Variants in RFLNA observed in about 807,000 individuals in gnomAD.
RFLNA encodes refilin A.
RFLNA carries 5 observed loss-of-function variants against 7.8 expected under a neutral mutation model. That is an observed-to-expected ratio of 0.64 (90% CI 0.34 to 1.35). The LOEUF is 1.35. RFLNA is among the 40% of genes most tolerant of loss of function. RFLNA has a pLI of 0.04. For missense variants in RFLNA, 278 were observed against 305.5 expected (o/e 0.91, Z 0.67); for synonymous variants, 141 against 131.3 (o/e 1.07, Z -0.50).
intron 1 of RFLNA, among the ~76,000 whole-genome samples, chr12:124,299,358 A>C (rs183357230): frequency 5.6e-4 from 86 of 152,252 alleles, no homozygotes; most frequent in African/African-American, 1.9e-3. Flanking sequence ...TTTATTTTTT[A>C]ATGTTTTCTT....
In RFLNA at chr12:124,306,670, G is replaced by T. The variant is rs898359357; in HGVS notation, c.208-5148G>T. The stretch of plus-strand genomic sequence containing the variant: ...TCCACATGTGGAAAATGGGGGTGCT[G>T]CCAGCAGCTGCGTGCTGGGGTTTTT... On this transcript the variant is annotated intron_variant, in intron 1 of 2. Coordinates refer to ENST00000546355, the MANE Select transcript of RFLNA (RefSeq NM_001365156.1). This position sits in a 1 kb window ranked among gnomAD's most constrained non-coding sequence, Gnocchi z 5.2. Among the ~76,000 whole-genome samples, 5 of 152,208 alleles carry T rather than the reference G, an allele frequency of 3.3e-5. No individual in the cohort carries two copies. Among genetic ancestry groups the T allele is most frequent in the African/African-American group, 1.2e-4 (5 of 41,442 alleles).
At position 124,315,295 on chromosome 12, in the gene RFLNA, G is replaced by C. The variant is rs944126259; in HGVS notation, c.*770G>C. On this transcript the variant is annotated 3_prime_UTR_variant, in exon 3 of 3. Coordinates refer to ENST00000546355, the MANE Select transcript of RFLNA (RefSeq NM_001365156.1). ...CTCAGCCTCTGGAGCCTCACCTGCA[G>C]GGCGTCCCCAGCTAACACCCATCCA... 1 of 154,000 alleles carries C rather than the reference G, an allele frequency of 6.5e-6. No individual in the cohort carries two copies. The highest frequency in any genetic ancestry group is 1.4e-5 in the Non-Finnish European group (1 of 69,314). The allele number at this position is 154,000 out of a possible 1,614,324, so 9.5% of individuals were successfully genotyped here.
At position 124,315,644 on chromosome 12, in the gene RFLNA, G is replaced by C. The variant is rs1185950284; in HGVS notation, c.*1119G>C. Reference sequence around the variant, plus strand: ...TGGAACAAGCCAGGATGCACGGGGAGCTGGGGGAGCCCCCAGCCTGGGGCA... The same window carrying C: ...TGGAACAAGCCAGGATGCACGGGGACCTGGGGGAGCCCCCAGCCTGGGGCA... On this transcript the variant is annotated 3_prime_UTR_variant, in exon 3 of 3. Coordinates refer to ENST00000546355, the MANE Select transcript of RFLNA (RefSeq NM_001365156.1). 1 of 152,306 alleles carries C rather than the reference G, an allele frequency of 6.6e-6. No individual in the cohort carries two copies. Among genetic ancestry groups the C allele is most frequent in the Non-Finnish European group, 1.5e-5 (1 of 68,112 alleles). The allele number at this position is 152,306 out of a possible 1,614,324, so 9.4% of individuals were successfully genotyped here.
chr12:124,292,940 T>C (rs1175308665), upstream of RFLNA, among the ~76,000 whole-genome samples: 1 of 152,230 alleles, frequency 6.6e-6, no homozygotes, highest in Non-Finnish European at 1.5e-5. Flanking sequence ...TTATCTTATT[T>C]TGAGACAGAG....
At position 124,314,536 on chromosome 12, in the gene RFLNA, G is replaced by T; in HGVS notation, c.*11G>T. On this transcript the variant is annotated 3_prime_UTR_variant, in exon 3 of 3. Coordinates refer to ENST00000546355, the MANE Select transcript of RFLNA (RefSeq NM_001365156.1). ...CCTGCCACGCTCTGACGGGGCTGGG[G>T]CCGGCCCGGGGTGCTGGAGGAGCCG... is the stretch of plus-strand genomic sequence containing the variant. 6.4e-7 allele frequency: 1 copy of T among 1,558,986 alleles called. No individual in the cohort carries two copies. The highest frequency in any genetic ancestry group is 8.6e-7 in the Non-Finnish European group (1 of 1,158,876).
chr12:124,290,487 A>C (rs1238005518), upstream of RFLNA, among the ~76,000 whole-genome samples: 2 of 151,094 alleles, frequency 1.3e-5, no homozygotes, highest in Non-Finnish European at 3.0e-5. This position sits in a 1 kb window ranked among gnomAD's most constrained non-coding sequence, Gnocchi z 4.0. Flanking sequence ...TTGTGTGTAC[A>C]CATGTGTATT....
At position 124,306,022 on chromosome 12, in the gene RFLNA, C is replaced by G. The variant is rs571056493; in HGVS notation, c.208-5796C>G. Among the ~76,000 whole-genome samples the G allele has an allele frequency of 4.9e-4, 75 of 152,270 alleles. No individual in the cohort carries two copies. Among genetic ancestry groups the G allele is most frequent in the Non-Finnish European group, 8.5e-4 (58 of 68,024 alleles). ...CTTGTTCTGGGGTGACCGTGACTAG[C>G]AGGGATGGGGCTCCTGGTGATGTTT... On this transcript the variant is annotated intron_variant, in intron 1 of 2. Transcript: ENST00000546355. The surrounding 1 kb of genome is among the most constrained non-coding windows in gnomAD (Gnocchi z 5.2).
chr12:124,289,628 C>G lies in RFLNA; in HGVS notation c.-37+258C>G, dbSNP rs531668033. 6.7e-4 allele frequency among the ~76,000 whole-genome samples: 102 copies of G among 152,302 alleles called. 1 individual carries two copies. Among genetic ancestry groups the G allele is most frequent in the South Asian group, 1.9e-3 (9 of 4,828 alleles). ...AAGAGCTGGTTTTATGAGTGGACACCCAGGGCATGGGCCCTGACCCCCAGA... is the reference window on the plus strand; with the variant it reads ...AAGAGCTGGTTTTATGAGTGGACACGCAGGGCATGGGCCCTGACCCCCAGA... On this transcript the variant is annotated intron_variant, in intron 1 of 2. Coordinates refer to the RFLNA transcript ENST00000324038. The surrounding 1 kb of genome is among the most constrained non-coding windows in gnomAD (Gnocchi z 5.0).
rs372482954 is a variant in RFLNA, at chr12:124,304,396, AGCGGGACCCTTTG to A, written c.208-7419_208-7407del. ...TTGGGTGGACTTTAGGTGTTTTTTC[AGCGGGACCCTTTG>A]GCAAATGGTGCCCGGAGCTCTGGCT... On this transcript the variant is annotated intron_variant, in intron 1 of 2. Transcript: ENST00000546355. Among the ~76,000 whole-genome samples, 749 of 152,244 alleles carry A rather than the reference AGCGGGACCCTTTG, an allele frequency of 4.9e-3. 4 individuals are homozygous for A. Among genetic ancestry groups the A allele is most frequent in the African/African-American group, 0.015 (639 of 41,538 alleles).
intron 1 of RFLNA, among the ~76,000 whole-genome samples, chr12:124,296,945 G>A (rs796422413): frequency 1.3e-5 from 2 of 152,188 alleles, no homozygotes; most frequent in Non-Finnish European, 2.9e-5. Context: ...GGAGCCTGGC[G>A]GGTGGAAGGG....
intron 1 of RFLNA, among the ~76,000 whole-genome samples, chr12:124,307,560 C>T (rs769829843): frequency 1.2e-4 from 19 of 152,226 alleles, no homozygotes; most frequent in Non-Finnish European, 1.5e-5. Flanking sequence ...GGACTCCCCT[C>T]ATAAACTGGT....
chr12:124,297,052 C>T (rs1287610163), intron 1 of RFLNA, among the ~76,000 whole-genome samples: 3 of 152,194 alleles, frequency 2.0e-5, no homozygotes, highest in African/African-American at 7.2e-5. Context: ...CTGCCAGAGC[C>T]TCTGGGACTT....
intron 1 of RFLNA, among the ~76,000 whole-genome samples, chr12:124,297,550 A>G (rs972164684): frequency 1.3e-5 from 2 of 152,250 alleles, no homozygotes; most frequent in South Asian, 4.1e-4. Context: ...GCCAAGGCAC[A>G]GAGGAGGTTA....
upstream of RFLNA, among the ~76,000 whole-genome samples, chr12:124,290,881 A>G (rs1279357172): frequency 6.6e-6 from 1 of 152,216 alleles, no homozygotes; most frequent in Non-Finnish European, 1.5e-5. This position sits in a 1 kb window ranked among gnomAD's most constrained non-coding sequence, Gnocchi z 4.0. Flanking sequence ...TGCCCAGATC[A>G]CACAGCCGGG....
Position 124,289,821 on chromosome 12 carries a change from C to T in RFLNA, c.-37+451C>T, listed in dbSNP as rs1242256710. ...TCGGGTGAGACAGGCCACCGGGGAA[C>T]ATGCGACTCCCCGGGGCAGGGAGGC... On this transcript the variant is annotated intron_variant, in intron 1 of 2. Coordinates refer to the RFLNA transcript ENST00000324038. The surrounding 1 kb of genome is among the most constrained non-coding windows in gnomAD (Gnocchi z 5.0). Among the ~76,000 whole-genome samples the T allele has an allele frequency of 2.0e-5, 3 of 152,316 alleles. No individual in the cohort carries two copies. The highest frequency in any genetic ancestry group is 7.2e-5 in the African/African-American group (3 of 41,564).
At chr12:124,311,601 G>A (rs890962027) in intron 1 of RFLNA, 6 of 468,420 alleles carry the variant, frequency 1.3e-5, no homozygotes, top group Middle Eastern at 5.4e-4. Flanking sequence ...TGGTGGTGGA[G>A]AGCTGGGCAG....
At chr12:124,310,799 TTG>T (rs1323232131) in intron 1 of RFLNA, among the ~76,000 whole-genome samples, 1 of 152,092 alleles carries the variant, frequency 6.6e-6, no homozygotes, top group Non-Finnish European at 1.5e-5. Context: ...AGTGCTTTCT[TTG>T]TGTCTGTCTG....
At chr12:124,301,149 G>A (rs545807434) in intron 1 of RFLNA, among the ~76,000 whole-genome samples, 1 of 152,326 alleles carries the variant, frequency 6.6e-6, no homozygotes, top group South Asian at 2.1e-4. Flanking sequence ...GGAGAAGCCT[G>A]TTTGCAGAAA....
intron 1 of RFLNA, among the ~76,000 whole-genome samples, chr12:124,309,894 C>T (rs1323777609): frequency 6.6e-6 from 1 of 152,160 alleles, no homozygotes; most frequent in African/African-American, 2.4e-5. Context: ...AGGGGCCAGG[C>T]GTGGTGGCTC....
Sources: allele counts gnomAD v4.1 joint callset (sites outside exome capture counted in the v4.1 genomes callset), GRCh38; gene constraint gnomAD v4.1.1; non-coding constraint Gnocchi (gnomAD v3.1); transcripts MANE v1.5; gene names NCBI Gene and HGNC (gene_info 2026-07-23, HGNC 2026-07-21).